The following FSIP2 variants were observed in gnomAD, a reference collection of about 807,000 sequenced individuals.
FSIP2 encodes fibrous sheath-interacting protein 2.
In FSIP2, 367 loss-of-function variants were observed where a neutral mutation model predicts 510.5. The observed-to-expected ratio is 0.72, with a 90% CI of 0.66 to 0.78. The LOEUF (loss-of-function observed/expected upper bound fraction) is 0.78. Among genes scored for constraint, FSIP2 ranks in the 30% least tolerant of loss-of-function variants. FSIP2 has a pLI of 0.00. For synonymous variants in FSIP2, 2,601 were observed against 2,732.2 expected, an observed-to-expected ratio of 0.95 and a Z score of 1.50; for missense variants, 7,594 against 7,901.7, an observed-to-expected ratio of 0.96 and a Z score of 1.48.
Position 185,795,497 on chromosome 2 carries a change from C to CATA in FSIP2, c.8361_8362insATA (p.Asn2787_Cys2788insIle). On this transcript the variant is annotated inframe_insertion, in exon 16 of 23. Coordinates refer to ENST00000424728, the MANE Select transcript of FSIP2 (RefSeq NM_173651.4). ...TGCAAGAATTATATGTTACCAATAA[C>CATA]TGCAATTTGGCTTACCCGATGAAAT... 6.5e-7 allele frequency: 1 copy of CATA among 1,534,746 alleles called. No individual in the cohort carries two copies. Among genetic ancestry groups the CATA allele is most frequent in the Non-Finnish European group, 8.7e-7 (1 of 1,146,060 alleles).
Position 185,797,458 on chromosome 2 carries a change from A to G in FSIP2, c.10322A>G (p.Glu3441Gly). The change falls in exon 16 of 23, where the codon GAA becomes GGA. Residue 3441 changes from glutamate to glycine, a missense_variant. Physicochemically the swap from Glu to Gly is moderately conservative, Grantham distance 98 (BLOSUM62 -2). Transcript: ENST00000424728. ...TFADHEMGSN[E>G]VHLIARHVTT... is the part of the protein sequence containing the mutation. The stretch of plus-strand genomic sequence containing the variant: ...GCTGATCATGAAATGGGTTCCAATG[A>G]AGTTCATCTGATAGCAAGACATGTC... 6.5e-7 allele frequency: 1 copy of G among 1,528,388 alleles called. No individual in the cohort carries two copies. The highest frequency in any genetic ancestry group is 8.7e-7 in the Non-Finnish European group (1 of 1,144,588). 94.7% of individuals were successfully genotyped at this position (1,528,388 alleles called of 1,614,324 possible).
chr2:185,800,865 C>A lies in FSIP2; in HGVS notation c.11559C>A (p.Asp3853Glu), dbSNP rs1215573388. Residue 3853 changes from aspartate (D) to glutamate (E), a missense_variant, in exon 17 of 23, where the codon GAC (aspartate) becomes GAA (glutamate). Asp to Glu is a conservative substitution (Grantham distance 45). Coordinates refer to ENST00000424728, the MANE Select transcript of FSIP2 (RefSeq NM_173651.4). ...ISHSLVKSLM[D>E]KLSHSIQQAP... ...ACAGCTTGGTTAAATCATTGATGGA[C>A]AAATTATCTCACAGCATACAACAAG... The A allele has an allele frequency of 1.3e-6, 2 of 1,534,244 alleles. No homozygotes were observed. Among genetic ancestry groups the A allele is most frequent in the Non-Finnish European group, 1.7e-6 (2 of 1,145,640 alleles).
chr2:185,806,078 A>G lies in FSIP2; in HGVS notation c.16772A>G (p.Asp5591Gly). 1 of 1,567,802 alleles carries G rather than the reference A, an allele frequency of 6.4e-7. No individual in the cohort carries two copies. The highest frequency in any genetic ancestry group is 1.2e-5 in the South Asian group (1 of 83,880). Reference protein sequence around the residue: ...EIYTHFSLIIDDTEYEKEVLG... With the variant: ...EIYTHFSLIIGDTEYEKEVLG... ...TACACACATTTTTCATTAATAATTG[A>G]TGATACAGAATATGAGAAGGAAGTA... Residue 5591 changes from aspartate (D) to glycine (G), a missense_variant, in exon 17 of 23, where the codon GAT becomes GGT. By Grantham distance (94) the Asp-to-Gly change is moderately conservative. Transcript: ENST00000424728.
intron 12 of FSIP2, among the ~76,000 whole-genome samples, chr2:185,763,955 T>G (rs1304565580): frequency 6.6e-6 from 1 of 151,582 alleles, no homozygotes; most frequent in African/African-American, 2.4e-5. Flanking sequence ...TTGACAAATG[T>G]ACATCAGGTT....
chr2:185,792,260 T>C lies in FSIP2; in HGVS notation c.5124T>C (p.Tyr1708=), dbSNP rs1448035258. ...MESEGGGIET[Y]RYRPTYGSLP... ...CTGAAGGGGGAGGCATTGAAACTTA[T>C]CGATACAGGCCAACATATGGAAGTC... Residue 1708 remains tyrosine (Y), a synonymous_variant, in exon 16 of 23, where the codon TAT becomes TAC. Transcript: ENST00000424728. 2.0e-6 allele frequency: 3 copies of C among 1,533,488 alleles called. No homozygotes were observed. The African/African-American group carries it at 4.1e-5, about 21-fold the overall frequency. The allele number at this position is 1,533,488 out of a possible 1,614,324, so 95.0% of individuals were successfully genotyped here.
chr2:185,775,794 G>C (rs1232887658), intron 13 of FSIP2, among the ~76,000 whole-genome samples: 1 of 152,112 alleles, frequency 6.6e-6, no homozygotes, highest in Non-Finnish European at 1.5e-5. Context: ...CTCCCGAGTA[G>C]CTGAGATTAC....
chr2:185,820,786 G>C (rs892281615), intron 19 of FSIP2, among the ~76,000 whole-genome samples: 6 of 151,134 alleles, frequency 4.0e-5, no homozygotes, highest in Admixed American at 1.3e-4. Flanking sequence ...CAAAACTTAA[G>C]GGATACAACA....
At chr2:185,818,326 G>A (rs183323284) in intron 19 of FSIP2, among the ~76,000 whole-genome samples, 5 of 151,812 alleles carry the variant, frequency 3.3e-5, no homozygotes. Flanking sequence ...ATGCCTAAGG[G>A]ATTTTTGAAA....
At position 185,814,036 on chromosome 2, in the gene FSIP2, G is replaced by C. The variant is rs756011951; in HGVS notation, c.20319G>C (p.Gln6773His). ...TASSSWEEKPQCKKEEKNLVT... is the reference protein window; with the variant it reads ...TASSSWEEKPHCKKEEKNLVT... ...CTTCATCTTGGGAGGAAAAGCCCCA[G>C]TGTAAGGTAAGTGATAAGCATGACT... Residue 6773 changes from glutamine to histidine, a missense_variant, in exon 18 of 23, where the codon CAG (glutamine) becomes CAC (histidine). Transcript: ENST00000424728. 3.7e-5 allele frequency: 60 copies of C among 1,610,154 alleles called. No individual in the cohort carries two copies. Among genetic ancestry groups the C allele is most frequent in the Non-Finnish European group, 4.8e-5 (57 of 1,178,210 alleles).
intron 2 of FSIP2, among the ~76,000 whole-genome samples, chr2:185,741,307 C>T (rs958454239): frequency 6.6e-6 from 1 of 152,034 alleles, no homozygotes; most frequent in Non-Finnish European, 1.5e-5. Flanking sequence ...TATAATTTCT[C>T]AGAAGAATTT....
At chr2:185,786,315 A>G in intron 15 of FSIP2, 27 bp downstream of exon 15, 2 of 1,478,822 alleles carry the variant, frequency 1.4e-6, no homozygotes, top group South Asian at 2.5e-5. Context: ...CCACCGAGAA[A>G]GCAACATATT....
chr2:185,804,514 G>A lies in FSIP2; in HGVS notation c.15208G>A (p.Val5070Met). ...ATTGGAAGAAATATATGATTATCAA[G>A]TGCAGTCATTAGTTTCAGGAGAATT... ...LLLEEIYDYQ[V>M]QSLVSGELES... Residue 5070 changes from valine to methionine, a missense_variant, in exon 17 of 23, where the codon GTG (valine) becomes ATG (methionine). Val to Met is a conservative substitution (Grantham distance 21). Transcript: ENST00000424728. 1 of 1,516,018 alleles carries A rather than the reference G, an allele frequency of 6.6e-7. No individual in the cohort carries two copies. The highest frequency in any genetic ancestry group is 8.8e-7 in the Non-Finnish European group (1 of 1,137,482). The allele number at this position is 1,516,018 out of a possible 1,614,324, so 93.9% of individuals were successfully genotyped here.
chr2:185,792,281 A>G lies in FSIP2; in HGVS notation c.5145A>G (p.Gly1715=). 6.5e-7 allele frequency: 1 copy of G among 1,532,944 alleles called. No homozygotes were observed. The highest frequency in any genetic ancestry group is 8.7e-7 in the Non-Finnish European group (1 of 1,145,124). 95.0% of individuals were successfully genotyped at this position (1,532,944 alleles called of 1,614,324 possible). A position where few individuals can be genotyped will look rare whatever the true frequency, so the allele number is the denominator to read the frequency against. Residue 1715 remains glycine, a synonymous_variant, in exon 16 of 23, where the codon GGA becomes GGG. Transcript: ENST00000424728. ...IETYRYRPTY[G]SLPGGAESDS... is the part of the protein sequence containing the mutation. ...CTTATCGATACAGGCCAACATATGG[A>G]AGTCTTCCTGGAGGAGCTGAATCAG...
chr2:185,808,295 A>G lies in FSIP2; in HGVS notation c.18989A>G (p.Lys6330Arg). Residue 6330 changes from lysine (K) to arginine (R), a missense_variant, in exon 17 of 23, where the codon AAG becomes AGG. Coordinates refer to ENST00000424728, the MANE Select transcript of FSIP2 (RefSeq NM_173651.4). ...EKVIKIIDELKSKEKSSSRKG... is the reference protein window; with the variant it reads ...EKVIKIIDELRSKEKSSSRKG... ...GTGATCAAAATTATTGATGAACTTAAGTCTAAGGAAAAGTCTTCATCCAGA... is the reference window on the plus strand; with the variant it reads ...GTGATCAAAATTATTGATGAACTTAGGTCTAAGGAAAAGTCTTCATCCAGA... The G allele has an allele frequency of 6.2e-7, 1 of 1,605,318 alleles. No homozygotes were observed. The highest frequency in any genetic ancestry group is 8.5e-7 in the Non-Finnish European group (1 of 1,177,304).
chr2:185,741,999 G>T (rs1691934148), intron 2 of FSIP2, among the ~76,000 whole-genome samples: 1 of 152,122 alleles, frequency 6.6e-6, no homozygotes, highest in Non-Finnish European at 1.5e-5. Flanking sequence ...TTGGTGCTTA[G>T]TGTTGTTGTG....
In FSIP2 at chr2:185,789,242, G is replaced by A. The variant is rs930371544; in HGVS notation, c.2106G>A (p.Gly702=). 1.3e-6 allele frequency: 2 copies of A among 1,534,412 alleles called. No homozygotes were observed. The highest frequency in any genetic ancestry group is 8.7e-7 in the Non-Finnish European group (1 of 1,145,820). The part of the protein sequence containing the change: ...VFVNFKCYLK[G]ETEVILESIL... ...TTAACTTTAAATGTTACTTGAAAGGGGAAACTGAAGTGATTTTAGAAAGCA... is the reference window on the plus strand; with the variant it reads ...TTAACTTTAAATGTTACTTGAAAGGAGAAACTGAAGTGATTTTAGAAAGCA... The change falls in exon 16 of 23, where the codon GGG becomes GGA. Residue 702 remains glycine (G), a synonymous_variant. Coordinates refer to ENST00000424728, the MANE Select transcript of FSIP2 (RefSeq NM_173651.4).
intron 13 of FSIP2, among the ~76,000 whole-genome samples, chr2:185,779,976 G>A (rs1219349914): frequency 2.0e-5 from 3 of 150,132 alleles, no homozygotes; most frequent in African/African-American, 7.3e-5. Flanking sequence ...TTTAGGCTGA[G>A]GCATAAGAAT....
chr2:185,808,211 T>G lies in FSIP2; in HGVS notation c.18905T>G (p.Val6302Gly). The change falls in exon 17 of 23, where the codon GTA (valine) becomes GGA (glycine). Residue 6302 changes from valine (V) to glycine (G), a missense_variant. Transcript: ENST00000424728. ...TCGAATTCTGAATTTCAACCTCAAG[T>G]AGAGGAAGAAGTATCAAATTCAGAA... ...AISNSEFQPQVEEEVSNSELV... is the reference protein window; with the variant it reads ...AISNSEFQPQGEEEVSNSELV... The G allele has an allele frequency of 6.2e-7, 1 of 1,610,960 alleles. No individual in the cohort carries two copies. Among genetic ancestry groups the G allele is most frequent in the Non-Finnish European group, 8.5e-7 (1 of 1,178,694 alleles).
At chr2:185,782,979 G>A (rs1209633412) in intron 14 of FSIP2, among the ~76,000 whole-genome samples, 4 of 152,054 alleles carry the variant, frequency 2.6e-5, no homozygotes, top group African/African-American at 7.2e-5. Flanking sequence ...CTATAATCCA[G>A]CTATAGTCAG....
Sources: gnomAD v4.1 joint callset for allele counts (sites outside exome capture counted in the v4.1 genomes callset) on GRCh38, gnomAD v4.1.1 for gene constraint, MANE v1.5 for transcripts, NCBI Gene and HGNC (gene_info 2026-07-23, HGNC 2026-07-21) for gene names.